The following MAF variants were observed in gnomAD, a reference collection of about 807,000 sequenced individuals.
MAF encodes MAF bZIP transcription factor, also known as transcription factor Maf.
Under a neutral mutation model 22.0 loss-of-function variants are expected in MAF, and 10 were observed. The ratio of observed to expected loss-of-function variants is 0.45; its 90% confidence interval spans 0.28 to 0.77. MAF has a LOEUF of 0.77. Among genes scored for constraint, MAF ranks in the 30% least tolerant of loss-of-function variants. The probability of loss-of-function intolerance (pLI) is 0.12; values close to 1 mark genes in which losing one functional copy is unlikely to be tolerated. For missense variants in MAF, 544 were observed against 548.4 expected (o/e 0.99, Z 0.08); for synonymous variants, 337 against 255.8 (o/e 1.32, Z -3.03).
chr16:79,412,707 AG>A, the MAF span, among the ~76,000 whole-genome samples: 1 of 152,216 alleles, frequency 6.6e-6, no homozygotes, highest in African/African-American at 2.4e-5. Context: ...AGGCTCCAGC[AG>A]TTGTTGTTAA....
At chr16:79,236,834 C>T in the MAF span, among the ~76,000 whole-genome samples, 4 of 151,582 alleles carry the variant, frequency 2.6e-5, no homozygotes, top group African/African-American at 7.3e-5. Context: ...CCAGGCCCTC[C>T]AGGGACAACC....
At chr16:79,363,074 A>AG in the MAF span, among the ~76,000 whole-genome samples, 18 of 151,926 alleles carry the variant, frequency 1.2e-4, no homozygotes, top group Non-Finnish European at 1.8e-4. Context: ...GGTCCCTAAA[A>AG]GGGGGGGAAC....
At chr16:79,446,932 AAGAG>A in the MAF span, among the ~76,000 whole-genome samples, 5 of 152,306 alleles carry the variant, frequency 3.3e-5, no homozygotes, top group African/African-American at 9.6e-5. Context: ...AATTAAAAAA[AAGAG>A]AGAGAAAAAA....
At chr16:79,514,807 C>T in the MAF span, among the ~76,000 whole-genome samples, 9 of 152,286 alleles carry the variant, frequency 5.9e-5, no homozygotes, top group South Asian at 4.1e-4. Flanking sequence ...TCACTGATAG[C>T]GGCTTGGAAG....
chr16:79,255,722 G>T, the MAF span, among the ~76,000 whole-genome samples: 1 of 152,172 alleles, frequency 6.6e-6, no homozygotes, highest in South Asian at 2.1e-4. Flanking sequence ...GGCCATCAGA[G>T]GTGGACGCTC....
the MAF span, among the ~76,000 whole-genome samples, chr16:79,429,731 T>A: frequency 1.1e-4 from 16 of 152,248 alleles, no homozygotes; most frequent in South Asian, 2.3e-3. Flanking sequence ...GAAAAAAACA[T>A]GACCCCTTTG....
chr16:79,259,894 G>C, the MAF span, among the ~76,000 whole-genome samples: 1 of 152,118 alleles, frequency 6.6e-6, no homozygotes, highest in South Asian at 2.1e-4. Flanking sequence ...TGCTCAGAAG[G>C]ACTTGGAAAA....
At chr16:79,322,319 G>T in the MAF span, among the ~76,000 whole-genome samples, 10 of 152,230 alleles carry the variant, frequency 6.6e-5, no homozygotes, top group African/African-American at 2.4e-4. Flanking sequence ...GCACTCAGGG[G>T]GTCACCAACT....
the MAF span, among the ~76,000 whole-genome samples, chr16:79,439,043 T>C: frequency 5.3e-5 from 8 of 152,092 alleles, no homozygotes; most frequent in African/African-American, 1.7e-4. Context: ...TTAAAGATAT[T>C]GTCGTGTCCC....
At chr16:79,412,626 T>G in the MAF span, among the ~76,000 whole-genome samples, 3 of 152,180 alleles carry the variant, frequency 2.0e-5, no homozygotes, top group Admixed American at 2.0e-4. Flanking sequence ...TTGCGCCCAG[T>G]TGAGGAGCAC....
At chr16:79,227,902 A>G in the MAF span, among the ~76,000 whole-genome samples, 1 of 152,046 alleles carries the variant, frequency 6.6e-6, no homozygotes, top group Admixed American at 6.6e-5. Flanking sequence ...TGAGAATAAT[A>G]CCTTTTCAGA....
the MAF span, among the ~76,000 whole-genome samples, chr16:79,377,804 T>G: frequency 3.2e-4 from 49 of 152,212 alleles, no homozygotes; most frequent in Non-Finnish European, 2.9e-4. Context: ...CCATTTCTTG[T>G]TTTTGTCAGG....
the MAF span, among the ~76,000 whole-genome samples, chr16:79,276,888 G>A: frequency 1.3e-5 from 2 of 152,194 alleles, no homozygotes; most frequent in South Asian, 4.2e-4. Context: ...TCCAGGGGAG[G>A]ATCCTTCTCT....
the MAF span, among the ~76,000 whole-genome samples, chr16:79,434,239 A>T: frequency 6.6e-6 from 1 of 152,336 alleles, no homozygotes; most frequent in East Asian, 1.9e-4. Context: ...TAAGAAAATG[A>T]TGTATGTTTG....
At chr16:79,587,567 A>G (rs1912923420) in intron 1 of MAF, among the ~76,000 whole-genome samples, 1 of 152,188 alleles carries the variant, frequency 6.6e-6, no homozygotes. Context: ...TCGGCAAGGA[A>G]TATTTACATG....
the MAF span, among the ~76,000 whole-genome samples, chr16:79,578,801 C>T: frequency 3.9e-5 from 6 of 152,218 alleles, no homozygotes; most frequent in Admixed American, 3.3e-4. Context: ...ATATTTCAGG[C>T]GACCAGCAGC....
the MAF span, among the ~76,000 whole-genome samples, chr16:79,512,205 C>T: frequency 1.3e-5 from 2 of 152,172 alleles, no homozygotes; most frequent in Non-Finnish European, 2.9e-5. Context: ...GCTAGAGGCA[C>T]AAAGAACAGG....
At chr16:79,204,823 A>T in the MAF span, 1 of 152,200 alleles carries the variant, frequency 6.6e-6, no homozygotes, top group Non-Finnish European at 1.5e-5. Context: ...AATTCTTTCC[A>T]GCTTTCCATC....
the MAF span, among the ~76,000 whole-genome samples, chr16:79,518,348 A>T: frequency 6.6e-6 from 1 of 152,222 alleles, no homozygotes; most frequent in Non-Finnish European, 1.5e-5. Context: ...TTCTCTGGGC[A>T]TCTCAACAGT....
Sources: allele counts gnomAD v4.1 joint callset (sites outside exome capture counted in the v4.1 genomes callset), GRCh38; gene constraint gnomAD v4.1.1; transcripts MANE v1.5; gene names NCBI Gene and HGNC (gene_info 2026-07-23, HGNC 2026-07-21).